Variants in POLI observed in about 807,000 individuals in gnomAD.
The protein encoded by POLI is DNA polymerase iota, also known as RAD30 homolog B.
POLI carries 58 observed loss-of-function variants against 51.6 expected under a neutral mutation model. That is an observed-to-expected ratio of 1.12 (90% CI 0.91 to 1.40). POLI has a LOEUF of 1.40. Among genes scored for constraint, POLI ranks in the 40% most tolerant of loss-of-function variants. The pLI, the probability that POLI is intolerant of heterozygous loss-of-function variation, is 0.00. For missense variants in POLI, 921 were observed against 871.3 expected (o/e 1.06, Z -0.72); for synonymous variants, 322 against 299.7 (o/e 1.07, Z -0.77).
In POLI at chr18:54,292,053, T is replaced by C. The variant is rs769708013; in HGVS notation, c.1404+15T>C. 2.0e-6 allele frequency: 3 copies of C among 1,489,662 alleles called. No homozygotes were observed. In the South Asian group the frequency reaches 3.5e-5, roughly 17 times the overall value. 92.3% of individuals were successfully genotyped at this position (1,489,662 alleles called of 1,614,324 possible). A position where few individuals can be genotyped will look rare whatever the true frequency, so the allele number is the denominator to read the frequency against. ...AGCACAGTTTTGTAAGTACACTCTT[T>C]TTTGTTCAGTTTTCTAAGTATACTC... is the stretch of plus-strand genomic sequence containing the variant. On this transcript the variant is annotated intron_variant, in intron 9 of 9. Transcript: ENST00000579534.
intron 3 of POLI, among the ~76,000 whole-genome samples, chr18:54,308,450 C>T (rs961344573): frequency 7.9e-5 from 12 of 152,188 alleles, no homozygotes; most frequent in African/African-American, 1.4e-4. Flanking sequence ...CCGAGCGATC[C>T]GCTGTTAGTC....
chr18:54,298,725 A>G (rs1023156653), downstream of POLI, among the ~76,000 whole-genome samples: 34 of 150,070 alleles, frequency 2.3e-4, no homozygotes, highest in Admixed American at 2.1e-3. Flanking sequence ...AGTAGCTGGG[A>G]TTACAGGCAC....
chr18:54,275,671 T>C (rs1490299139), intron 3 of POLI, among the ~76,000 whole-genome samples: 1 of 152,238 alleles, frequency 6.6e-6, no homozygotes, highest in African/African-American at 2.4e-5. Context: ...TTTGCAGTTT[T>C]CCATGAGTAA....
In POLI at chr18:54,291,906, G is replaced by A. The variant is rs780398295; in HGVS notation, c.1272G>A (p.Met424Ile). 3.1e-6 allele frequency: 5 copies of A among 1,608,604 alleles called. No individual in the cohort carries two copies. Among genetic ancestry groups the A allele is most frequent in the South Asian group, 1.1e-5 (1 of 90,942 alleles). ...TTCGAAATATGGTGAATGTGAAGAT[G>A]CCATTTCACCTTACCCTTCTAAGTG... ...KLFRNMVNVK[M>I]PFHLTLLSVC... is the part of the protein sequence containing the mutation. The change falls in exon 9 of 10, where the codon ATG (methionine) becomes ATA (isoleucine). Residue 424 changes from methionine (M) to isoleucine (I), a missense_variant. Transcript: ENST00000579534.
rs761471262 is a variant in POLI, at chr18:54,294,301, A to T, written c.2057A>T (p.His686Leu). 1.5e-5 allele frequency: 24 copies of T among 1,612,532 alleles called. No homozygotes were observed. Among genetic ancestry groups the T allele is most frequent in the Non-Finnish European group, 2.0e-5 (23 of 1,178,732 alleles). The stretch of plus-strand genomic sequence containing the variant: ...AAGCAAACAGTAGCAACAGACTCTC[A>T]TGAAGGACTTACAGAAAATAGAGAG... ...SHKQTVATDSHEGLTENREPD... is the reference protein window; with the variant it reads ...SHKQTVATDSLEGLTENREPD... The change falls in exon 10 of 10, where the codon CAT becomes CTT. Residue 686 changes from histidine (H) to leucine (L), a missense_variant. Coordinates refer to ENST00000579534, the MANE Select transcript of POLI (RefSeq NM_007195.3).
chr18:54,286,264 A>G (rs1276705997), intron 7 of POLI, among the ~76,000 whole-genome samples: 2 of 152,194 alleles, frequency 1.3e-5, no homozygotes, highest in Non-Finnish European at 2.9e-5. Context: ...ATGCATTGCC[A>G]TGTGTATAAA....
chr18:54,314,129 G>T (rs901624277), intron 3 of POLI, among the ~76,000 whole-genome samples: 1 of 152,094 alleles, frequency 6.6e-6, no homozygotes, highest in East Asian at 1.9e-4. Context: ...TTCCTTTGAT[G>T]CCTAGTTTGT....
In POLI at chr18:54,292,781, A is replaced by T. The variant is rs780078554; in HGVS notation, c.1404+743A>T. Among the ~76,000 whole-genome samples the T allele has an allele frequency of 3.6e-4, 55 of 152,182 alleles. 1 individual carries two copies. The highest frequency in any genetic ancestry group is 8.8e-5 in the Non-Finnish European group (6 of 67,928). ...GATAGTGTATGGAAATAGTGAATTA[A>T]TGCTCTCTTCAAATTACTTTTTTCT... On this transcript the variant is annotated intron_variant, in intron 9 of 9. Coordinates refer to ENST00000579534, the MANE Select transcript of POLI (RefSeq NM_007195.3).
At position 54,277,840 on chromosome 18, in the gene POLI, G is replaced by T; in HGVS notation, c.544G>T (p.Val182Leu). The T allele has an allele frequency of 6.2e-7, 1 of 1,611,824 alleles. No individual in the cohort carries two copies. The highest frequency in any genetic ancestry group is 8.5e-7 in the Non-Finnish European group (1 of 1,178,582). The change falls in exon 4 of 10, where the codon GTA (valine) becomes TTA (leucine). Residue 182 changes from valine (V) to leucine (L), a missense_variant. Val to Leu is a conservative substitution (Grantham distance 32). Transcript: ENST00000579534. ...TTCTGCGGTGACTGTGTCGGGTCAT[G>T]TATACAATAATCAGTGTGAGTGGGT... is the stretch of plus-strand genomic sequence containing the variant. ...ELSAVTVSGH[V>L]YNNQSINLLD...
Position 54,297,427 on chromosome 18 carries a change from C to T in POLI, c.*2960C>T. Reference sequence around the variant, plus strand: ...GCCTGGAGATTTCCCTTATATGGTACAAACCAGCAATGAATTAAGAGGTCT... The same window carrying T: ...GCCTGGAGATTTCCCTTATATGGTATAAACCAGCAATGAATTAAGAGGTCT... On this transcript the variant is annotated 3_prime_UTR_variant, in exon 10 of 10. Coordinates refer to ENST00000579534, the MANE Select transcript of POLI (RefSeq NM_007195.3). 1.0e-6 allele frequency: 1 copy of T among 981,950 alleles called. No individual in the cohort carries two copies. The highest frequency in any genetic ancestry group is 1.2e-6 in the Non-Finnish European group (1 of 827,056). The allele number at this position is 981,950 out of a possible 1,614,324, so 60.8% of individuals were successfully genotyped here. A position where few individuals can be genotyped will look rare whatever the true frequency, so the allele number is the denominator to read the frequency against.
rs776034909 is a variant in POLI, at chr18:54,291,954, A to G, written c.1320A>G (p.Ala440=). Reference sequence around the variant, plus strand: ...GTGTGTGCTTCTGCAACCTTAAAGCACTAAATACTGCTAAGAAAGGGCTTA... The same window carrying G: ...GTGTGTGCTTCTGCAACCTTAAAGCGCTAAATACTGCTAAGAAAGGGCTTA... ...LLSVCFCNLK[A]LNTAKKGLID... The change falls in exon 9 of 10, where the codon GCA becomes GCG. Residue 440 remains alanine, a synonymous_variant. Transcript: ENST00000579534. The G allele has an allele frequency of 2.5e-5, 41 of 1,610,582 alleles. No homozygotes were observed. The South Asian group carries it at 3.3e-4, about 13-fold the overall frequency.
In POLI at chr18:54,296,397, T is replaced by A; in HGVS notation, c.*1930T>A. The A allele has an allele frequency of 2.0e-6, 2 of 976,134 alleles. No homozygotes were observed. Among genetic ancestry groups the A allele is most frequent in the Non-Finnish European group, 2.4e-6 (2 of 821,446 alleles). 60.5% of individuals were successfully genotyped at this position (976,134 alleles called of 1,614,324 possible). A position where few individuals can be genotyped will look rare whatever the true frequency, so the allele number is the denominator to read the frequency against. ...AACATCTTTGGGCCTCAGAATCAAC[T>A]TTTTTATGGGATCTTTTTTCTCTGT... On this transcript the variant is annotated 3_prime_UTR_variant, in exon 10 of 10. Coordinates refer to ENST00000579534, the MANE Select transcript of POLI (RefSeq NM_007195.3).
Position 54,297,280 on chromosome 18 carries a change from AGTTT to A in POLI, c.*2817_*2820del. 1.0e-6 allele frequency: 1 copy of A among 981,610 alleles called. No homozygotes were observed. The allele number at this position is 981,610 out of a possible 1,614,324, so 60.8% of individuals were successfully genotyped here. On this transcript the variant is annotated 3_prime_UTR_variant, in exon 10 of 10. Coordinates refer to ENST00000579534, the MANE Select transcript of POLI (RefSeq NM_007195.3). ...GCTTTCTTGCTTTTGTTTCAGCTCG[AGTTT>A]GTTGTTGTTTTTTTTTTTTCCTGTT...
In POLI at chr18:54,273,946, G is replaced by A; in HGVS notation, c.262G>A (p.Val88Met). The change falls in exon 3 of 10, where the codon GTG becomes ATG. Residue 88 changes from valine (V) to methionine (M), a missense_variant. Transcript: ENST00000579534. The part of the protein sequence containing the change: ...KPLGVQQKYL[V>M]VTCNYEARKL... ...TACAGGGGTTCAACAGAAATATTTG[G>A]TGGTTACCTGCAACTATGAAGCTAG... 6.4e-7 allele frequency: 1 copy of A among 1,556,332 alleles called. No homozygotes were observed. Among genetic ancestry groups the A allele is most frequent in the Non-Finnish European group, 8.7e-7 (1 of 1,152,778 alleles).
downstream of POLI, among the ~76,000 whole-genome samples, chr18:54,302,590 C>A (rs1212005099): frequency 6.6e-6 from 1 of 152,052 alleles, no homozygotes; most frequent in African/African-American, 2.4e-5. Context: ...GGTATCCATC[C>A]CCTCAAGCAT....
At chr18:54,272,415 G>T (rs1164247633) in intron 2 of POLI, among the ~76,000 whole-genome samples, 5 of 152,196 alleles carry the variant, frequency 3.3e-5, no homozygotes, top group African/African-American at 1.2e-4. Flanking sequence ...TTATTGGGAA[G>T]TGAGGGATAT....
At chr18:54,280,542 A>G (rs1221772819) in intron 4 of POLI, 125 bp from the exon 5 acceptor site, 2 of 645,522 alleles carry the variant, frequency 3.1e-6, no homozygotes, top group Non-Finnish European at 5.5e-6. Flanking sequence ...CCAGGTGATG[A>G]TGGTGGTGGT....
intron 7 of POLI, among the ~76,000 whole-genome samples, chr18:54,285,432 C>T (rs186354214): frequency 1.1e-4 from 16 of 151,890 alleles, no homozygotes; most frequent in African/African-American, 3.6e-4. Flanking sequence ...CTCTGCTTCC[C>T]GGCTCCTTTT....
chr18:54,308,904 G>C (rs2088630137), intron 3 of POLI, among the ~76,000 whole-genome samples: 1 of 152,132 alleles, frequency 6.6e-6, no homozygotes, highest in African/African-American at 2.4e-5. Context: ...GCATCACGTA[G>C]TTCTTGTGCC....
Sources: allele counts gnomAD v4.1 joint callset (sites outside exome capture counted in the v4.1 genomes callset), GRCh38; gene constraint gnomAD v4.1.1; transcripts MANE v1.5; gene names NCBI Gene and HGNC (gene_info 2026-07-23, HGNC 2026-07-21).